Variants in GAREM1 observed in about 807,000 individuals in gnomAD.
GAREM1 encodes the protein GRB2 associated regulator of MAPK1 subtype 1, also known as GRB2-associated and regulator of MAPK protein 1.
Under a neutral mutation model 71.3 loss-of-function variants are expected in GAREM1, and 26 were observed. The observed-to-expected ratio is 0.36, with a 90% CI of 0.27 to 0.51. GAREM1 has a LOEUF of 0.51. GAREM1 is among the 20% of genes least tolerant of loss of function. The pLI, the probability that GAREM1 is intolerant of heterozygous loss-of-function variation, is 0.95. For synonymous variants in GAREM1, 440 were observed against 433.2 expected (o/e 1.02, Z -0.20); for missense variants, 1,026 against 1,103.1 (o/e 0.93, Z 0.99).
chr18:32,394,286 C>A (rs1188424647), intron 1 of GAREM1, among the ~76,000 whole-genome samples: 3 of 152,090 alleles, frequency 2.0e-5, no homozygotes, highest in African/African-American at 7.2e-5. Context: ...TCTGTAGTCC[C>A]AGCTACTTAG....
chr18:32,316,542 T>C (rs538063834), intron 2 of GAREM1, among the ~76,000 whole-genome samples: 1 of 152,200 alleles, frequency 6.6e-6, no homozygotes, highest in African/African-American at 2.4e-5. Flanking sequence ...CTCCCCAGAC[T>C]CAAGCCATCC....
At chr18:32,438,569 G>A (rs779098933) in intron 1 of GAREM1, among the ~76,000 whole-genome samples, 1 of 152,228 alleles carries the variant, frequency 6.6e-6, no homozygotes, top group Non-Finnish European at 1.5e-5. Flanking sequence ...TGCAACAAAG[G>A]CGAGTCAAGA....
intron 1 of GAREM1, among the ~76,000 whole-genome samples, chr18:32,399,223 G>A (rs2048287465): frequency 6.6e-6 from 1 of 152,112 alleles, no homozygotes; most frequent in Non-Finnish European, 1.5e-5. Context: ...CATACTGAAT[G>A]GGCAAAAAAC....
At chr18:32,306,019 A>C (rs567539874) in intron 3 of GAREM1, among the ~76,000 whole-genome samples, 8 of 152,328 alleles carry the variant, frequency 5.3e-5, no homozygotes, top group African/African-American at 1.9e-4. Context: ...ATCTCACTTG[A>C]AACTTACCTT....
intron 3 of GAREM1, among the ~76,000 whole-genome samples, chr18:32,298,469 T>C (rs1452058052): frequency 6.6e-6 from 1 of 152,160 alleles, no homozygotes; most frequent in Admixed American, 6.5e-5. Flanking sequence ...CTGGTTAACA[T>C]TTCCAGTTTC....
chr18:32,441,694 C>T (rs527483613), intron 1 of GAREM1, among the ~76,000 whole-genome samples: 7 of 152,298 alleles, frequency 4.6e-5, no homozygotes, highest in African/African-American at 1.2e-4. Flanking sequence ...CGATCCAAAT[C>T]TGAAAGGGCT....
intron 2 of GAREM1, among the ~76,000 whole-genome samples, chr18:32,356,090 C>T (rs2047801983): frequency 6.6e-6 from 1 of 152,138 alleles, no homozygotes; most frequent in South Asian, 2.1e-4. Flanking sequence ...AAACATCTGG[C>T]TTCTTGGTTT....
At position 32,393,003 on chromosome 18, in the gene GAREM1, A is replaced by T. The variant is rs983146473; in HGVS notation, c.154T>A (p.Tyr52Asn). 1.2e-6 allele frequency: 2 copies of T among 1,613,700 alleles called. No individual in the cohort carries two copies. Among genetic ancestry groups the T allele is most frequent in the African/African-American group, 1.3e-5 (1 of 74,892 alleles). Residue 52 changes from tyrosine (Y) to asparagine (N), a missense_variant, in exon 2 of 6, where the codon TAT (tyrosine) becomes AAT (asparagine). Around this residue, in one of 3 missense-constraint regions of GAREM1, gnomAD observed 172 missense variants for 175.2 expected, o/e 0.98. Transcript: ENST00000269209. ...TGGCGGCAGGAATGAATCAGCAGAT[A>T]GTCATTTTCCCGCAGCCCTTCTACG... ...ECVEGLRENDYLLIHSCRQWT... is the reference protein window; with the variant it reads ...ECVEGLRENDNLLIHSCRQWT...
intron 1 of GAREM1, among the ~76,000 whole-genome samples, chr18:32,431,313 AAG>A (rs2048622322): frequency 6.6e-6 from 1 of 152,292 alleles, no homozygotes; most frequent in African/African-American, 2.4e-5. Flanking sequence ...CCAGAAGGAA[AAG>A]AGAGTATGGT....
chr18:32,284,748 CTTA>C (rs2046991895), intron 4 of GAREM1, among the ~76,000 whole-genome samples: 1 of 125,966 alleles, frequency 7.9e-6, no homozygotes, highest in African/African-American at 3.7e-5. Flanking sequence ...GGGGTGCCCC[CTTA>C]CTTTTTTTTT....
intron 2 of GAREM1, among the ~76,000 whole-genome samples, chr18:32,315,881 T>C (rs1018782648): frequency 1.3e-5 from 2 of 152,242 alleles, no homozygotes; most frequent in African/African-American, 2.4e-5. Context: ...TGCTGATATT[T>C]TGGCCTAAAT....
chr18:32,334,271 G>A (rs2047567140), intron 2 of GAREM1, among the ~76,000 whole-genome samples: 1 of 152,078 alleles, frequency 6.6e-6, no homozygotes, highest in South Asian at 2.1e-4. Flanking sequence ...GATGTGCGAC[G>A]AGAAAGCCCA....
intron 1 of GAREM1, among the ~76,000 whole-genome samples, chr18:32,417,466 C>T (rs913005405): frequency 6.6e-6 from 1 of 152,122 alleles, no homozygotes; most frequent in African/African-American, 2.4e-5. Context: ...GCGGAAGCAA[C>T]CTAAGCATCC....
At chr18:32,443,917 C>T (rs1276755145) in intron 1 of GAREM1, among the ~76,000 whole-genome samples, 1 of 152,016 alleles carries the variant, frequency 6.6e-6, no homozygotes, top group African/African-American at 2.4e-5. Context: ...TAGATTGGTA[C>T]GATGTGTTAT....
chr18:32,264,708 A>G lies in GAREM1; in HGVS notation c.*3163T>C, dbSNP rs1056273895. 1.3e-5 allele frequency: 2 copies of G among 152,250 alleles called. No individual in the cohort carries two copies. The highest frequency in any genetic ancestry group is 4.8e-5 in the African/African-American group (2 of 41,464). The allele number at this position is 152,250 out of a possible 1,614,324, so 9.4% of individuals were successfully genotyped here. On this transcript the variant is annotated 3_prime_UTR_variant, in exon 6 of 6. Transcript: ENST00000269209. ...GTAAATTTCACAGTTCATAAAGTTG[A>G]GCAGCTCAACTTAAAGAAGAGAAAA...
chr18:32,367,286 T>G (rs1375487044), intron 2 of GAREM1, among the ~76,000 whole-genome samples: 1 of 152,220 alleles, frequency 6.6e-6, no homozygotes. Flanking sequence ...TTCTGACTGG[T>G]TGAAGGACAC....
intron 1 of GAREM1, among the ~76,000 whole-genome samples, chr18:32,451,303 C>G (rs1055214992): frequency 1.6e-5 from 2 of 127,930 alleles, no homozygotes; most frequent in African/African-American, 5.9e-5. Context: ...CAGAATTATT[C>G]TTTCTTATTC....
chr18:32,451,322 A>G (rs938454176), intron 1 of GAREM1, among the ~76,000 whole-genome samples: 2 of 144,942 alleles, frequency 1.4e-5, no homozygotes, highest in African/African-American at 5.2e-5. Context: ...TCCCACAACT[A>G]TTCTAATTCT....
intron 3 of GAREM1, among the ~76,000 whole-genome samples, chr18:32,298,531 T>C (rs764256406): frequency 2.0e-5 from 3 of 152,146 alleles, no homozygotes; most frequent in Non-Finnish European, 4.4e-5. Flanking sequence ...ACAACTCTAA[T>C]AGGTCTGATC....
Sources: gnomAD v4.1 joint callset for allele counts (sites outside exome capture counted in the v4.1 genomes callset) on GRCh38, gnomAD v4.1.1 for gene constraint, gnomAD v4.1.1 regional missense constraint, MANE v1.5 for transcripts, NCBI Gene and HGNC (gene_info 2026-07-23, HGNC 2026-07-21) for gene names.